Variants in TTC7B observed in about 807,000 individuals in gnomAD.
The protein encoded by TTC7B is tetratricopeptide repeat protein 7B.
In TTC7B, 28 loss-of-function variants were observed where a neutral mutation model predicts 106.8. That is an observed-to-expected ratio of 0.26 (90% CI 0.19 to 0.36). The LOEUF (loss-of-function observed/expected upper bound fraction) is 0.36. TTC7B is among the 10% of genes least tolerant of loss of function. The pLI is 1.00. For missense variants in TTC7B, 862 were observed against 1,076.4 expected (o/e 0.80, Z 2.79); for synonymous variants, 405 against 430.6 (o/e 0.94, Z 0.74).
intron 4 of TTC7B, among the ~76,000 whole-genome samples, chr14:90,739,969 A>G (rs1404517102): frequency 3.9e-5 from 6 of 152,212 alleles, no homozygotes; most frequent in African/African-American, 9.7e-5. Context: ...TAAACTAATC[A>G]AGGCCATCCT....
intron 9 of TTC7B, among the ~76,000 whole-genome samples, chr14:90,659,444 A>G (rs1052045274): frequency 6.6e-6 from 1 of 152,166 alleles, no homozygotes; most frequent in Non-Finnish European, 1.5e-5. Flanking sequence ...CAAACATTTG[A>G]GAAAAGAGCT....
At chr14:90,646,785 A>T in intron 14 of TTC7B, 166 bp downstream of exon 14, 1 of 656,960 alleles carries the variant, frequency 1.5e-6, no homozygotes, top group Middle Eastern at 3.9e-4. Context: ...TGCTCAAACC[A>T]ACCAAAACAC....
At chr14:90,736,918 ATATATACG>A (rs1295342306) in intron 4 of TTC7B, among the ~76,000 whole-genome samples, 2 of 144,962 alleles carry the variant, frequency 1.4e-5, no homozygotes, top group Non-Finnish European at 3.0e-5. Flanking sequence ...AAAAAAAAGT[ATATATACG>A]TATATACACA....
intron 2 of TTC7B, among the ~76,000 whole-genome samples, chr14:90,785,075 G>T (rs185912920): frequency 2.0e-5 from 3 of 152,116 alleles, no homozygotes; most frequent in Non-Finnish European, 4.4e-5. Flanking sequence ...TGCAGGAGCC[G>T]GGAAGGTCCA....
At chr14:90,775,074 G>A (rs752999474) in intron 3 of TTC7B, among the ~76,000 whole-genome samples, 2 of 151,098 alleles carry the variant, frequency 1.3e-5, no homozygotes, top group Non-Finnish European at 2.9e-5. Context: ...CCCCGTAAAT[G>A]TAGGGATCCC....
intron 3 of TTC7B, among the ~76,000 whole-genome samples, chr14:90,756,384 GTTTT>G (rs369068692): frequency 2.1e-4 from 27 of 126,826 alleles, no homozygotes; most frequent in Middle Eastern, 7.6e-3. Flanking sequence ...TTTTTTTTTT[GTTTT>G]TTTTTTTTGT....
At chr14:90,707,504 T>C (rs750262519) in intron 5 of TTC7B, among the ~76,000 whole-genome samples, 1 of 152,238 alleles carries the variant, frequency 6.6e-6, no homozygotes, top group Non-Finnish European at 1.5e-5. Flanking sequence ...CAAGATGGGC[T>C]GAAAGTGGGG....
intron 3 of TTC7B, among the ~76,000 whole-genome samples, chr14:90,747,882 G>A (rs2180773): frequency 0.24 from 36,813 of 152,072 alleles, 5,768 homozygotes; most frequent in Non-Finnish European, 0.33. Flanking sequence ...AACCTGCTTC[G>A]TCTGATATTA....
At chr14:90,770,849 G>A (rs1392983560) in intron 3 of TTC7B, among the ~76,000 whole-genome samples, 2 of 152,102 alleles carry the variant, frequency 1.3e-5, no homozygotes, top group Non-Finnish European at 2.9e-5. Context: ...ACACAATAGA[G>A]TATTATTTTG....
chr14:90,680,437 G>C (rs754290338), intron 8 of TTC7B, 35 bp downstream of exon 8: 21 of 1,566,366 alleles, frequency 1.3e-5, no homozygotes, highest in Middle Eastern at 1.7e-4. Context: ...TACAGGGCCA[G>C]GGGAAAGAAC....
intron 3 of TTC7B, among the ~76,000 whole-genome samples, chr14:90,762,978 A>C (rs1331935036): frequency 6.6e-6 from 1 of 152,202 alleles, no homozygotes; most frequent in South Asian, 2.1e-4. Flanking sequence ...ATACTTAAAG[A>C]ACTACCACCA....
Position 90,766,998 on chromosome 14 carries a change from G to C in TTC7B, c.445+13740C>G, listed in dbSNP as rs532343974. 4.0e-5 allele frequency: 47 copies of C among 1,165,948 alleles called. No individual in the cohort carries two copies. The East Asian group carries it at 1.1e-3, about 28-fold the overall frequency. The allele number at this position is 1,165,948 out of a possible 1,614,324, so 72.2% of individuals were successfully genotyped here. A position where few individuals can be genotyped will look rare whatever the true frequency, so the allele number is the denominator to read the frequency against. On this transcript the variant is annotated intron_variant, in intron 3 of 19. Coordinates refer to ENST00000328459, the MANE Select transcript of TTC7B (RefSeq NM_001010854.2). ...TGTCCAAGAAGAAATAAGTCTGTAG[G>C]CCTTGTCTGTTAATAAATAGTTTAT...
intron 11 of TTC7B, among the ~76,000 whole-genome samples, chr14:90,655,537 A>G (rs1164546324): frequency 6.6e-6 from 1 of 152,184 alleles, no homozygotes; most frequent in African/African-American, 2.4e-5. Flanking sequence ...GAATCCATTT[A>G]GGCTTGGATT....
rs779634104 is a variant in TTC7B, at chr14:90,608,068, CT to C, written c.1966+2673del. ...AAATCAAGGTGAGGGAATAAACAAT[CT>C]GTGTTGTGGGTGGTTCGCAAGGCGG... On this transcript the variant is annotated intron_variant, in intron 17 of 19. Transcript: ENST00000328459. The surrounding 1 kb of genome is among the most constrained non-coding windows in gnomAD (Gnocchi z 5.1). Among the ~76,000 whole-genome samples, 23 of 152,028 alleles carry C rather than the reference CT, an allele frequency of 1.5e-4. No homozygotes were observed. The highest frequency in any genetic ancestry group is 4.1e-4 in the South Asian group (2 of 4,820).
chr14:90,767,051 A>G (rs987814385), intron 3 of TTC7B: 23 of 807,908 alleles, frequency 2.8e-5, no homozygotes, highest in African/African-American at 1.8e-5. Flanking sequence ...AAAAAGAAAG[A>G]AAGGAAGAAA....
chr14:90,559,369 A>T (rs1890470854), intron 19 of TTC7B, among the ~76,000 whole-genome samples: 1 of 152,228 alleles, frequency 6.6e-6, no homozygotes, highest in African/African-American at 2.4e-5. Flanking sequence ...GTCTTTGCGA[A>T]TGCAGTGGCG....
At chr14:90,688,440 T>C (rs187977751) in intron 7 of TTC7B, among the ~76,000 whole-genome samples, 22 of 152,042 alleles carry the variant, frequency 1.4e-4, no homozygotes, top group Admixed American at 2.6e-4. Flanking sequence ...CTGGCCAACA[T>C]GGTAAAACCC....
At chr14:90,795,674 C>G (rs566959773) in intron 1 of TTC7B, among the ~76,000 whole-genome samples, 1 of 152,186 alleles carries the variant, frequency 6.6e-6, no homozygotes, top group Non-Finnish European at 1.5e-5. Flanking sequence ...CGCACATAGT[C>G]TGAAGTAAGT....
Position 90,780,673 on chromosome 14 carries a change from C to T in TTC7B, c.445+65G>A, listed in dbSNP as rs977923112. The T allele has an allele frequency of 1.9e-6, 3 of 1,545,508 alleles. No individual in the cohort carries two copies. The Admixed American group carries it at 5.9e-5, about 30-fold the overall frequency. On this transcript the variant is annotated intron_variant, in intron 3 of 19. Coordinates refer to ENST00000328459, the MANE Select transcript of TTC7B (RefSeq NM_001010854.2). ...AGCCAAGGGCCAAGGGTCAAATAGGCAGCTCCGAAGAGGCGCTGCTGGCTC... is the reference window on the plus strand; with the variant it reads ...AGCCAAGGGCCAAGGGTCAAATAGGTAGCTCCGAAGAGGCGCTGCTGGCTC...
Sources: allele counts gnomAD v4.1 joint callset (sites outside exome capture counted in the v4.1 genomes callset), GRCh38; gene constraint gnomAD v4.1.1; non-coding constraint Gnocchi (gnomAD v3.1); transcripts MANE v1.5; gene names NCBI Gene and HGNC (gene_info 2026-07-23, HGNC 2026-07-21).